The following ITPR1 variants were observed in gnomAD, a reference collection of about 807,000 sequenced individuals.
ITPR1 encodes inositol 1,4,5-trisphosphate-gated calcium channel ITPR1.
Under a neutral mutation model 318.4 loss-of-function variants are expected in ITPR1, and 96 were observed. That is an observed-to-expected ratio of 0.30 (90% CI 0.26 to 0.36). The LOEUF (loss-of-function observed/expected upper bound fraction) is 0.36, where lower values mean the gene tolerates loss of function less well. Ranked by LOEUF, ITPR1 falls within the 10% of genes least tolerant of loss-of-function variation. The pLI is 1.00. For missense variants in ITPR1, 2,440 were observed against 3,460.2 expected (o/e 0.71, Z 7.40); for synonymous variants, 1,312 against 1,289.9 (o/e 1.02, Z -0.37).
chr3:4,678,071 A>C (rs3804985), intron 24 of ITPR1, among the ~76,000 whole-genome samples: 35 of 152,078 alleles, frequency 2.3e-4, no homozygotes, highest in African/African-American at 8.4e-4. Context: ...CAACCCCAAC[A>C]GATGTAGTAG....
At chr3:4,658,782 G>T (rs2093768297) in intron 13 of ITPR1, among the ~76,000 whole-genome samples, 1 of 151,928 alleles carries the variant, frequency 6.6e-6, no homozygotes, top group African/African-American at 2.4e-5. Flanking sequence ...TGTTGCTTAA[G>T]AATGCATTTT....
At chr3:4,554,446 T>G (rs995569836) in intron 4 of ITPR1, among the ~76,000 whole-genome samples, 3 of 152,168 alleles carry the variant, frequency 2.0e-5, no homozygotes, top group Non-Finnish European at 4.4e-5. Flanking sequence ...ATGTTTTTTG[T>G]GGGCATGAAT....
intron 10 of ITPR1, among the ~76,000 whole-genome samples, chr3:4,650,899 G>T (rs1386439883): frequency 6.6e-6 from 1 of 152,152 alleles, no homozygotes; most frequent in African/African-American, 2.4e-5. Context: ...CAAGTTTGTT[G>T]AGTATGTGGA....
chr3:4,791,939 G>A (rs750802231), intron 52 of ITPR1, among the ~76,000 whole-genome samples: 1 of 152,188 alleles, frequency 6.6e-6, no homozygotes, highest in Non-Finnish European at 1.5e-5. Context: ...AACAACATAC[G>A]TTGATTATCT....
chr3:4,553,178 C>A (rs911370881), intron 4 of ITPR1, among the ~76,000 whole-genome samples: 1 of 151,972 alleles, frequency 6.6e-6, no homozygotes, highest in Non-Finnish European at 1.5e-5. Context: ...GAAAAACTTA[C>A]GGAGAAGGCA....
At position 4,571,270 on chromosome 3, in the gene ITPR1, A is replaced by C. The variant is rs73102459; in HGVS notation, c.163+50176A>C. Among the ~76,000 whole-genome samples the C allele has an allele frequency of 7.0e-3, 1,068 of 152,262 alleles. 17 individuals are homozygous for C. The highest frequency in any genetic ancestry group is 0.024 in the African/African-American group (978 of 41,542). ...ACTAAATGATGCAGTTCACTACATA[A>C]GATTTAGAATTTTTATTGATAACAC... On this transcript the variant is annotated intron_variant, in intron 4 of 61. Coordinates refer to ENST00000649015, the MANE Select transcript of ITPR1 (RefSeq NM_001378452.1).
intron 44 of ITPR1, among the ~76,000 whole-genome samples, chr3:4,746,823 C>A (rs532980988): frequency 6.6e-6 from 1 of 152,330 alleles, no homozygotes; most frequent in African/African-American, 2.4e-5. Context: ...TCATCCAAAG[C>A]AACTCTGCTT....
intron 4 of ITPR1, among the ~76,000 whole-genome samples, chr3:4,552,598 A>G (rs888818244): frequency 3.9e-5 from 6 of 152,268 alleles, no homozygotes; most frequent in Admixed American, 6.5e-5. Context: ...CTTGTTCACC[A>G]TCTTGTCTGC....
chr3:4,628,326 T>C (rs1031965267), intron 5 of ITPR1, among the ~76,000 whole-genome samples: 1 of 152,206 alleles, frequency 6.6e-6, no homozygotes, highest in African/African-American at 2.4e-5. Context: ...ACATGAATGG[T>C]GCCTGGCACA....
At position 4,521,007 on chromosome 3, in the gene ITPR1, A is replaced by G; in HGVS notation, c.93-17A>G. 1.3e-6 allele frequency: 2 copies of G among 1,593,490 alleles called. No homozygotes were observed. Among genetic ancestry groups the G allele is most frequent in the South Asian group, 1.1e-5 (1 of 90,604 alleles). On this transcript the variant is annotated splice_polypyrimidine_tract_variant and intron_variant, in intron 3 of 61. Coordinates refer to ENST00000649015, the MANE Select transcript of ITPR1 (RefSeq NM_001378452.1). ...TTTTCATACACTTGACAGAGCATTT[A>G]TCTGTCTTCTTTACAGCCTGGTTGA... is the stretch of plus-strand genomic sequence containing the variant.
chr3:4,832,246 A>T (rs1468049371), intron 60 of ITPR1, among the ~76,000 whole-genome samples: 1 of 152,148 alleles, frequency 6.6e-6, no homozygotes, highest in Admixed American at 6.5e-5. Flanking sequence ...TGTGGTGGTG[A>T]TTGATAAATT....
At chr3:4,493,833 G>T (rs1352954909) in intron 1 of ITPR1, among the ~76,000 whole-genome samples, 1 of 151,604 alleles carries the variant, frequency 6.6e-6, no homozygotes, top group Non-Finnish European at 1.5e-5. Context: ...ATTCTGGTCT[G>T]ATGTGGCATT....
At chr3:4,718,848 A>C (rs1232389841) in intron 40 of ITPR1, among the ~76,000 whole-genome samples, 1 of 152,130 alleles carries the variant, frequency 6.6e-6, no homozygotes, top group Non-Finnish European at 1.5e-5. Flanking sequence ...ATGCCAGAAA[A>C]ATCACTTCTA....
At chr3:4,702,285 C>T (rs2094672086) in intron 35 of ITPR1, among the ~76,000 whole-genome samples, 1 of 152,288 alleles carries the variant, frequency 6.6e-6, no homozygotes, top group African/African-American at 2.4e-5. Context: ...TATCCGAATT[C>T]TCTTTATGTC....
intron 31 of ITPR1, among the ~76,000 whole-genome samples, chr3:4,690,438 A>G (rs1160571451): frequency 1.3e-5 from 2 of 152,148 alleles, no homozygotes; most frequent in African/African-American, 4.8e-5. Flanking sequence ...AGATGTGGCT[A>G]AAATTTAAAA....
At chr3:4,606,238 G>A (rs536369003) in intron 4 of ITPR1, among the ~76,000 whole-genome samples, 1 of 152,134 alleles carries the variant, frequency 6.6e-6, no homozygotes, top group African/African-American at 2.4e-5. Context: ...AGGCAGTGAC[G>A]AACCCTGTGT....
At chr3:4,633,990 GT>G (rs1306179658) in intron 5 of ITPR1, among the ~76,000 whole-genome samples, 1 of 152,162 alleles carries the variant, frequency 6.6e-6, no homozygotes, top group South Asian at 2.1e-4. Flanking sequence ...TTCGATAATA[GT>G]TTCTCTGTTG....
intron 5 of ITPR1, among the ~76,000 whole-genome samples, chr3:4,637,024 A>G (rs1321317641): frequency 1.3e-5 from 2 of 152,228 alleles, no homozygotes; most frequent in Non-Finnish European, 2.9e-5. Flanking sequence ...CATTCTTGAG[A>G]GTAAGGGGAA....
intron 60 of ITPR1, among the ~76,000 whole-genome samples, chr3:4,829,005 C>G (rs1479407206): frequency 6.6e-6 from 1 of 152,170 alleles, no homozygotes; most frequent in Non-Finnish European, 1.5e-5. Flanking sequence ...AGAGTCAATA[C>G]GTGGATTGCA....
Sources: gnomAD v4.1 joint callset for allele counts (sites outside exome capture counted in the v4.1 genomes callset) on GRCh38, gnomAD v4.1.1 for gene constraint, MANE v1.5 for transcripts, NCBI Gene and HGNC (gene_info 2026-07-23, HGNC 2026-07-21) for gene names.